Variants in BTBD9 observed in about 807,000 individuals in gnomAD.
BTBD9 encodes the protein BTB domain containing 9.
In BTBD9, 49 loss-of-function variants were observed where a neutral mutation model predicts 64.3. That is an observed-to-expected ratio of 0.76 (90% CI 0.61 to 0.97). BTBD9 has a LOEUF of 0.97. Ranked by LOEUF, BTBD9 falls within the 50% of genes least tolerant of loss-of-function variation. The pLI is 0.00. For synonymous variants in BTBD9, 260 were observed against 274.7 expected (o/e 0.95, Z 0.53); for missense variants, 598 against 762.1 (o/e 0.78, Z 2.53).
chr6:38,345,724 C>T (rs915465887), intron 6 of BTBD9, among the ~76,000 whole-genome samples: 2 of 152,240 alleles, frequency 1.3e-5, no homozygotes, highest in African/African-American at 4.8e-5. Context: ...TAGAGATGGC[C>T]CAGCCTGCTC....
At chr6:38,334,946 C>G (rs1389029053) in intron 7 of BTBD9, among the ~76,000 whole-genome samples, 1 of 152,058 alleles carries the variant, frequency 6.6e-6, no homozygotes, top group African/African-American at 2.4e-5. Flanking sequence ...ATTGTAATCC[C>G]CACGTGTTGA....
At chr6:38,502,487 C>T (rs1772258044) in intron 6 of BTBD9, among the ~76,000 whole-genome samples, 2 of 152,166 alleles carry the variant, frequency 1.3e-5, no homozygotes, top group Non-Finnish European at 2.9e-5. Flanking sequence ...AAGACCAGTA[C>T]CATTTGCTCT....
chr6:38,192,691 C>A, intron 9 of BTBD9, 94 bp from the exon 10 acceptor site: 1 of 1,123,226 alleles, frequency 8.9e-7, no homozygotes, highest in Non-Finnish European at 1.3e-6. Flanking sequence ...GGAGGGAGGG[C>A]TTCCTGTCCT....
intron 7 of BTBD9, among the ~76,000 whole-genome samples, chr6:38,321,867 C>CAT (rs1369413422): frequency 1.7e-4 from 25 of 151,456 alleles, no homozygotes; most frequent in African/African-American, 4.8e-4. Context: ...CACATATTTA[C>CAT]ATATATATAT....
intron 6 of BTBD9, among the ~76,000 whole-genome samples, chr6:38,470,094 AT>A (rs1209259391): frequency 6.6e-6 from 1 of 152,238 alleles, no homozygotes; most frequent in African/African-American, 2.4e-5. Context: ...GAGAAGGAAA[AT>A]TTTAGTGAGT....
chr6:38,501,331 C>T (rs901771646), intron 6 of BTBD9, among the ~76,000 whole-genome samples: 9 of 152,280 alleles, frequency 5.9e-5, no homozygotes, highest in Middle Eastern at 3.4e-3. Flanking sequence ...ATTAGGAATG[C>T]TCAACCAGTA....
intron 6 of BTBD9, among the ~76,000 whole-genome samples, chr6:38,524,061 A>C (rs1773383038): frequency 1.3e-5 from 2 of 152,184 alleles, no homozygotes; most frequent in Admixed American, 6.5e-5. Flanking sequence ...CAATTAGAGA[A>C]ATTTCTTAGA....
intron 6 of BTBD9, among the ~76,000 whole-genome samples, chr6:38,556,085 T>C (rs1345339556): frequency 1.3e-5 from 2 of 152,182 alleles, no homozygotes; most frequent in African/African-American, 2.4e-5. Flanking sequence ...CTCGAGGTAA[T>C]GAATATTCAG....
chr6:38,313,122 C>A (rs1406174186), intron 7 of BTBD9, among the ~76,000 whole-genome samples: 1 of 151,930 alleles, frequency 6.6e-6, no homozygotes, highest in African/African-American at 2.4e-5. Flanking sequence ...TCTTTCATTT[C>A]TTTAATTCCT....
At chr6:38,343,118 G>C (rs922482605) in intron 7 of BTBD9, among the ~76,000 whole-genome samples, 3 of 152,226 alleles carry the variant, frequency 2.0e-5, no homozygotes, top group Non-Finnish European at 1.5e-5. Flanking sequence ...AAACTTGTGA[G>C]CACCATGGAA....
At chr6:38,354,829 AAATAAT>A (rs1368198082) in intron 6 of BTBD9, among the ~76,000 whole-genome samples, 9 of 152,220 alleles carry the variant, frequency 5.9e-5, no homozygotes, top group African/African-American at 2.2e-4. Flanking sequence ...AAGTAAATAA[AAATAAT>A]ACTGCAGAAA....
intron 6 of BTBD9, among the ~76,000 whole-genome samples, chr6:38,504,820 T>C (rs901981333): frequency 6.6e-6 from 1 of 152,202 alleles, no homozygotes; most frequent in Non-Finnish European, 1.5e-5. Context: ...TAAATTGTGG[T>C]AGAAGCATCT....
intron 9 of BTBD9, among the ~76,000 whole-genome samples, chr6:38,250,943 G>A (rs937151444): frequency 2.0e-5 from 3 of 152,128 alleles, no homozygotes; most frequent in Admixed American, 6.5e-5. Context: ...TTAGCTGGGT[G>A]TAGTGGCGTG....
intron 4 of BTBD9, among the ~76,000 whole-genome samples, chr6:38,589,024 T>C (rs1776675056): frequency 1.3e-5 from 2 of 152,218 alleles, no homozygotes; most frequent in Non-Finnish European, 2.9e-5. Flanking sequence ...GATTTTATTA[T>C]TCACATGCTT....
intron 10 of BTBD9, among the ~76,000 whole-genome samples, chr6:38,177,146 G>A (rs550056628): frequency 3.3e-5 from 5 of 152,232 alleles, no homozygotes; most frequent in Admixed American, 2.0e-4. Flanking sequence ...TGTAATCCCT[G>A]CTCTCCCTGC....
intron 6 of BTBD9, among the ~76,000 whole-genome samples, chr6:38,355,493 G>A (rs1764690207): frequency 6.6e-6 from 1 of 152,192 alleles, no homozygotes; most frequent in Non-Finnish European, 1.5e-5. Context: ...CAGCATTAGT[G>A]CTAAGCCAGT....
chr6:38,389,407 ACT>A (rs1766315493), intron 6 of BTBD9, among the ~76,000 whole-genome samples: 2 of 152,294 alleles, frequency 1.3e-5, no homozygotes, highest in Non-Finnish European at 2.9e-5. Context: ...ATTTCAAAAT[ACT>A]CTCTCTTTAA....
chr6:38,551,704 T>A (rs1562329470), intron 6 of BTBD9, among the ~76,000 whole-genome samples: 1 of 152,226 alleles, frequency 6.6e-6, no homozygotes. Context: ...ATTGCCTCTG[T>A]GCTATGGATC....
At chr6:38,235,888 C>G (rs1305729081) in intron 9 of BTBD9, among the ~76,000 whole-genome samples, 1 of 152,090 alleles carries the variant, frequency 6.6e-6, no homozygotes, top group African/African-American at 2.4e-5. Flanking sequence ...ATAGAACACA[C>G]AAGAAACCAA....
Sources: gnomAD v4.1 joint callset for allele counts (sites outside exome capture counted in the v4.1 genomes callset) on GRCh38, gnomAD v4.1.1 for gene constraint, MANE v1.5 for transcripts, NCBI Gene and HGNC (gene_info 2026-07-23, HGNC 2026-07-21) for gene names.